The following SH3PXD2A variants were observed in gnomAD, a reference collection of about 807,000 sequenced individuals.
The protein encoded by SH3PXD2A is SH3 and PX domains 2A.
In SH3PXD2A, 32 loss-of-function variants were observed where a neutral mutation model predicts 115.2. The ratio of observed to expected loss-of-function variants is 0.28; its 90% CI spans 0.21 to 0.37. The LOEUF is 0.37. SH3PXD2A is among the 10% of genes least tolerant of loss of function. The probability of loss-of-function intolerance (pLI) is 1.00; values close to 1 mark genes in which losing one functional copy is unlikely to be tolerated. For synonymous variants in SH3PXD2A, 610 were observed against 629.1 expected (o/e 0.97, Z 0.45); for missense variants, 1,328 against 1,498.7 (o/e 0.89, Z 1.88).
intron 13 of SH3PXD2A, among the ~76,000 whole-genome samples, chr10:103,607,933 TA>T (rs1186494105): frequency 6.6e-6 from 1 of 151,822 alleles, no homozygotes; most frequent in African/African-American, 2.4e-5. Context: ...TGTGCTTTGT[TA>T]AACAGATGCT....
chr10:103,779,052 G>T (rs1427710384), intron 2 of SH3PXD2A, among the ~76,000 whole-genome samples: 1 of 152,172 alleles, frequency 6.6e-6, no homozygotes, highest in African/African-American at 2.4e-5. Context: ...AGAACCTGAG[G>T]CATGGCTTCT....
intron 2 of SH3PXD2A, among the ~76,000 whole-genome samples, chr10:103,769,151 T>C (rs2038789664): frequency 1.1e-5 from 1 of 94,170 alleles, no homozygotes; most frequent in East Asian, 2.6e-4. Flanking sequence ...TGTGTGTGTG[T>C]GTGTGTGTGT....
At chr10:103,805,804 G>A (rs535561506) in intron 1 of SH3PXD2A, among the ~76,000 whole-genome samples, 5 of 151,934 alleles carry the variant, frequency 3.3e-5, no homozygotes, top group African/African-American at 4.8e-5. Flanking sequence ...CAGGAGGATC[G>A]CTTGAGCCCA....
chr10:103,798,782 G>A (rs2039118976), intron 2 of SH3PXD2A, among the ~76,000 whole-genome samples: 1 of 152,218 alleles, frequency 6.6e-6, no homozygotes, highest in Admixed American at 6.5e-5. Flanking sequence ...CTTCAGAGAG[G>A]AGCCTGAGGC....
chr10:103,808,395 G>A (rs1473201097), intron 1 of SH3PXD2A, among the ~76,000 whole-genome samples: 2 of 152,070 alleles, frequency 1.3e-5, no homozygotes, highest in Admixed American at 6.6e-5. Context: ...GGCATTGCAG[G>A]TGCCTGCCAT....
intron 2 of SH3PXD2A, among the ~76,000 whole-genome samples, chr10:103,785,004 C>G (rs761970099): frequency 1.3e-5 from 2 of 152,220 alleles, no homozygotes; most frequent in South Asian, 4.1e-4. Flanking sequence ...CCAACACTTG[C>G]CCTTAGCAGG....
intron 14 of SH3PXD2A, among the ~76,000 whole-genome samples, chr10:103,604,951 G>T (rs2036277749): frequency 6.6e-6 from 1 of 152,202 alleles, no homozygotes; most frequent in African/African-American, 2.4e-5. Flanking sequence ...GGCAGAGACT[G>T]CCCAATGAGT....
intron 1 of SH3PXD2A, among the ~76,000 whole-genome samples, chr10:103,815,934 AT>A (rs2039319796): frequency 6.6e-6 from 1 of 152,120 alleles, no homozygotes; most frequent in African/African-American, 2.4e-5. Flanking sequence ...GTATAATCTC[AT>A]ATATGGATTC....
At chr10:103,789,530 T>TACAC (rs72505791) in intron 2 of SH3PXD2A, among the ~76,000 whole-genome samples, 5,895 of 145,152 alleles carry the variant, frequency 0.041, 361 homozygotes, top group East Asian at 0.28. Flanking sequence ...TGTGTATACG[T>TACAC]ACACACACAC....
In SH3PXD2A at chr10:103,722,303, C is replaced by CAAA. The variant is rs34835878; in HGVS notation, c.398+1964_398+1966dup. Among the ~76,000 whole-genome samples the CAAA allele has an allele frequency of 2.8e-3, 254 of 91,270 alleles. 2 individuals are homozygous for CAAA. The highest frequency in any genetic ancestry group is 0.021 in the South Asian group (48 of 2,298). 59.9% of individuals were successfully genotyped at this position (91,270 alleles called of 152,430 possible). On this transcript the variant is annotated intron_variant, in intron 5 of 14. Coordinates refer to ENST00000369774, the MANE Select transcript of SH3PXD2A (RefSeq NM_001394015.1). ...TGGGTGACAGAGCGAGACTCTGTCT[C>CAAA]AAAAAAAAAAAAAAAAAGAATATAC...
At position 103,684,283 on chromosome 10, in the gene SH3PXD2A, C is replaced by T. The variant is rs146660676; in HGVS notation, c.427+8745G>A. Among the ~76,000 whole-genome samples, 1,035 of 152,302 alleles carry T rather than the reference C, an allele frequency of 6.8e-3. 8 individuals are homozygous for T. The highest frequency in any genetic ancestry group is 0.014 in the Middle Eastern group (4 of 294). On this transcript the variant is annotated intron_variant, in intron 6 of 14. Transcript: ENST00000369774. The stretch of plus-strand genomic sequence containing the variant: ...AGACCAGGTTCTGCCCACCCCATAC[C>T]CTGGGCAAGTGGCCATCCCTCTCTT...
chr10:103,652,129 G>A (rs930743719), intron 8 of SH3PXD2A, among the ~76,000 whole-genome samples: 2 of 152,236 alleles, frequency 1.3e-5, no homozygotes, highest in African/African-American at 4.8e-5. Context: ...AACTTTAGCC[G>A]GAGCCTGAGA....
intron 1 of SH3PXD2A, among the ~76,000 whole-genome samples, chr10:103,837,093 CT>C (rs1453961209): frequency 6.6e-6 from 1 of 152,210 alleles, no homozygotes; most frequent in East Asian, 1.9e-4. Flanking sequence ...CGTGTTTGCA[CT>C]GACTGAGCTC....
intron 8 of SH3PXD2A, among the ~76,000 whole-genome samples, chr10:103,647,823 C>T (rs533957423): frequency 1.3e-5 from 2 of 152,288 alleles, no homozygotes; most frequent in South Asian, 4.1e-4. Context: ...CCACATAATG[C>T]CAGTGCTCCG....
At position 103,602,200 on chromosome 10, in the gene SH3PXD2A, A is replaced by G. The variant is rs758214698; in HGVS notation, c.3018T>C (p.Thr1006=). The part of the protein sequence containing the change: ...ALRRNESLTA[T]DGLRGVRRNS... ...TCCGTCGGACGCCTCGGAGGCCATCAGTGGCCGTGAGTGACTCATTCCTCC... is the reference window on the plus strand; with the variant it reads ...TCCGTCGGACGCCTCGGAGGCCATCGGTGGCCGTGAGTGACTCATTCCTCC... Residue 1006 remains threonine (T), a synonymous_variant, in exon 15 of 15, where the codon ACT becomes ACC. Transcript: ENST00000369774. The G allele has an allele frequency of 6.3e-7, 1 of 1,582,588 alleles. No homozygotes were observed. Among genetic ancestry groups the G allele is most frequent in the East Asian group, 2.3e-5 (1 of 44,440 alleles).
chr10:103,815,447 G>GTATAA (rs1245509384), intron 1 of SH3PXD2A, among the ~76,000 whole-genome samples: 1 of 147,686 alleles, frequency 6.8e-6, no homozygotes, highest in East Asian at 1.9e-4. Flanking sequence ...CATATACAGT[G>GTATAA]TATAATATAT....
At chr10:103,809,280 T>G (rs548026725) in intron 1 of SH3PXD2A, among the ~76,000 whole-genome samples, 2 of 152,316 alleles carry the variant, frequency 1.3e-5, no homozygotes, top group East Asian at 1.9e-4. Flanking sequence ...ATAAGGCTAA[T>G]GACCAGGCAG....
In SH3PXD2A at chr10:103,681,424, A is replaced by G. The variant is rs557760096; in HGVS notation, c.427+11604T>C. ...GGCCATCAACCCACATGGATGACCC[A>G]TCAAAGACGCAACCCTAGCTTGATT... On this transcript the variant is annotated intron_variant, in intron 6 of 14. Coordinates refer to ENST00000369774, the MANE Select transcript of SH3PXD2A (RefSeq NM_001394015.1). Among the ~76,000 whole-genome samples the G allele has an allele frequency of 2.0e-5, 3 of 152,350 alleles. No individual in the cohort carries two copies. The East Asian group carries it at 5.8e-4, about 29-fold the overall frequency.
intron 8 of SH3PXD2A, 92 bp downstream of exon 8, chr10:103,660,891 G>A (rs2037286496): frequency 1.6e-5 from 21 of 1,345,960 alleles, no homozygotes; most frequent in Middle Eastern, 1.8e-4. Context: ...ACGTATAGCT[G>A]CAGCGGTGGG....
Sources: allele counts gnomAD v4.1 joint callset (sites outside exome capture counted in the v4.1 genomes callset), GRCh38; gene constraint gnomAD v4.1.1; transcripts MANE v1.5; gene names NCBI Gene and HGNC (gene_info 2026-07-23, HGNC 2026-07-21).